Variants in TTC29 observed in about 807,000 individuals in gnomAD.
TTC29 encodes the protein tetratricopeptide repeat domain 29.
TTC29 carries 49 observed loss-of-function variants against 58.1 expected under a neutral mutation model. That is an observed-to-expected ratio of 0.84 (90% CI 0.67 to 1.07). TTC29 has a LOEUF of 1.07. Ranked by LOEUF, TTC29 falls within the 50% of genes least tolerant of loss-of-function variation. The pLI is 0.00. For synonymous variants in TTC29, 209 were observed against 196.8 expected (o/e 1.06, Z -0.52); for missense variants, 582 against 555.6 (o/e 1.05, Z -0.48).
At chr4:146,894,056 A>C (rs924988100) in intron 6 of TTC29, among the ~76,000 whole-genome samples, 1 of 152,174 alleles carries the variant, frequency 6.6e-6, no homozygotes, top group Non-Finnish European at 1.5e-5. Context: ...ATGTGGAGAA[A>C]TAGGAACACT....
Position 146,707,080 on chromosome 4 carries a change from A to G in TTC29, c.*78T>C. ...ATTATAACTCTATATTATCTGTAAC[A>G]TGCTCCTATTACAAGTATTGAAGTC... On this transcript the variant is annotated 3_prime_UTR_variant, in exon 13 of 13. Coordinates refer to ENST00000325106, the MANE Select transcript of TTC29 (RefSeq NM_031956.4). 1 of 1,077,786 alleles carries G rather than the reference A, an allele frequency of 9.3e-7. No individual in the cohort carries two copies. Among genetic ancestry groups the G allele is most frequent in the East Asian group, 2.7e-5 (1 of 36,686 alleles). 66.8% of individuals were successfully genotyped at this position (1,077,786 alleles called of 1,614,324 possible). A position where few individuals can be genotyped will look rare whatever the true frequency, so the allele number is the denominator to read the frequency against.
intron 11 of TTC29, among the ~76,000 whole-genome samples, chr4:146,800,249 T>C (rs920960450): frequency 2.0e-5 from 3 of 152,240 alleles, no homozygotes; most frequent in Non-Finnish European, 4.4e-5. Context: ...GGTGAGTCAC[T>C]GTTCTATTTC....
intron 3 of TTC29, among the ~76,000 whole-genome samples, chr4:146,938,322 T>C (rs1303814244): frequency 1.3e-5 from 2 of 152,292 alleles, no homozygotes; most frequent in East Asian, 3.9e-4. Context: ...ATCAGTGTTT[T>C]ATTCAGAAGC....
At chr4:146,792,464 G>C (rs544294517) in intron 11 of TTC29, among the ~76,000 whole-genome samples, 17 of 152,112 alleles carry the variant, frequency 1.1e-4, no homozygotes, top group Non-Finnish European at 8.8e-5. Context: ...TCTTCTCAAA[G>C]TATTACTGCT....
chr4:146,935,695 A>C (rs546265675), intron 4 of TTC29, among the ~76,000 whole-genome samples: 1 of 152,328 alleles, frequency 6.6e-6, no homozygotes, highest in South Asian at 2.1e-4. Context: ...ATAGATGTTA[A>C]GGCTCCAGGA....
At chr4:146,786,660 T>C (rs1353453329) in intron 11 of TTC29, among the ~76,000 whole-genome samples, 1 of 152,230 alleles carries the variant, frequency 6.6e-6, no homozygotes, top group Non-Finnish European at 1.5e-5. Flanking sequence ...TTTGTTTTTC[T>C]TTCTATTCCC....
intron 6 of TTC29, among the ~76,000 whole-genome samples, chr4:146,891,318 G>A (rs184643395): frequency 2.6e-5 from 4 of 152,130 alleles, no homozygotes; most frequent in Admixed American, 2.6e-4. Context: ...AATTACTCTT[G>A]TTTGTTTGAT....
At chr4:146,811,843 A>G (rs1219795803) in intron 10 of TTC29, among the ~76,000 whole-genome samples, 1 of 152,340 alleles carries the variant, frequency 6.6e-6, no homozygotes, top group South Asian at 2.1e-4. Flanking sequence ...GGAAGAGCAC[A>G]TATAACACTA....
chr4:146,894,611 C>G (rs1290796808), intron 6 of TTC29, among the ~76,000 whole-genome samples: 1 of 151,862 alleles, frequency 6.6e-6, no homozygotes, highest in East Asian at 1.9e-4. Flanking sequence ...TGTACACCAA[C>G]ATGGCACATG....
intron 8 of TTC29, among the ~76,000 whole-genome samples, chr4:146,848,598 A>G (rs1729322616): frequency 6.6e-6 from 1 of 152,202 alleles, no homozygotes; most frequent in Non-Finnish European, 1.5e-5. Context: ...GGCAAAACAA[A>G]CTGCTGCTAG....
chr4:146,765,578 G>A (rs901704897), intron 11 of TTC29, among the ~76,000 whole-genome samples: 38 of 152,056 alleles, frequency 2.5e-4, no homozygotes, highest in African/African-American at 8.0e-4. Context: ...TGAGAATATC[G>A]TCTGTAATTT....
At chr4:146,879,501 A>G (rs962643718) in intron 6 of TTC29, among the ~76,000 whole-genome samples, 3 of 152,158 alleles carry the variant, frequency 2.0e-5, no homozygotes, top group Non-Finnish European at 2.9e-5. Context: ...ATTATAAAAG[A>G]CCTCAATATG....
At position 146,707,473 on chromosome 4, in the gene TTC29, G is replaced by T; in HGVS notation, c.1397+12C>A. 3 of 1,600,818 alleles carry T rather than the reference G, an allele frequency of 1.9e-6. No homozygotes were observed. The South Asian group carries it at 3.3e-5, about 18-fold the overall frequency. On this transcript the variant is annotated intron_variant, in intron 12 of 12. Transcript: ENST00000325106. ...GGTACTTAATAGAAACTTTTTACTTGATTTATCATACCTACTGAGTTCTTC... is the reference window on the plus strand; with the variant it reads ...GGTACTTAATAGAAACTTTTTACTTTATTTATCATACCTACTGAGTTCTTC...
intron 11 of TTC29, among the ~76,000 whole-genome samples, chr4:146,722,367 C>T (rs1743430780): frequency 6.6e-6 from 1 of 152,040 alleles, no homozygotes; most frequent in Non-Finnish European, 1.5e-5. Flanking sequence ...CAAAGCAATC[C>T]TAAGCAAAAA....
At chr4:146,872,219 C>T (rs2150218032) in intron 7 of TTC29, among the ~76,000 whole-genome samples, 1 of 151,968 alleles carries the variant, frequency 6.6e-6, no homozygotes, top group East Asian at 1.9e-4. Flanking sequence ...GTCGTACCCT[C>T]CTCACACCAC....
chr4:146,818,741 A>C (rs1751607925), intron 10 of TTC29, among the ~76,000 whole-genome samples: 4 of 152,194 alleles, frequency 2.6e-5, no homozygotes, highest in Admixed American at 2.6e-4. Context: ...ACACCATGGA[A>C]TACTATGCAG....
chr4:146,792,765 A>C (rs893230524), intron 11 of TTC29, among the ~76,000 whole-genome samples: 2 of 152,222 alleles, frequency 1.3e-5, no homozygotes, highest in Admixed American at 1.3e-4. Context: ...TGGTAAAAGT[A>C]AATGGAAAAT....
At chr4:146,841,465 CA>C (rs994625574) in intron 8 of TTC29, among the ~76,000 whole-genome samples, 13 of 151,484 alleles carry the variant, frequency 8.6e-5, no homozygotes, top group African/African-American at 3.1e-4. Context: ...AACAAACAAG[CA>C]AAAAAAACAC....
intron 4 of TTC29, among the ~76,000 whole-genome samples, chr4:146,935,568 T>C (rs1337808271): frequency 6.6e-6 from 1 of 152,208 alleles, no homozygotes; most frequent in Non-Finnish European, 1.5e-5. Context: ...TGAGAAGTTC[T>C]ATCCTATCGT....
Sources: allele counts gnomAD v4.1 joint callset (sites outside exome capture counted in the v4.1 genomes callset), GRCh38; gene constraint gnomAD v4.1.1; transcripts MANE v1.5; gene names NCBI Gene and HGNC (gene_info 2026-07-23, HGNC 2026-07-21).